Variants in CMIP observed in about 807,000 individuals in gnomAD.
CMIP encodes c-Maf inducing protein.
In CMIP, 13 loss-of-function variants were observed where a neutral mutation model predicts 97.3. The observed-to-expected ratio is 0.13, with a 90% CI of 0.09 to 0.21. The LOEUF is 0.21. Among genes scored for constraint, CMIP ranks in the 10% least tolerant of loss-of-function variants. The pLI is 1.00. For synonymous variants in CMIP, 538 were observed against 436.3 expected (o/e 1.23, Z -2.91); for missense variants, 847 against 1,024.9 (o/e 0.83, Z 2.37).
chr16:81,637,553 GT>G (rs2150983450), intron 3 of CMIP, among the ~76,000 whole-genome samples: 1 of 152,278 alleles, frequency 6.6e-6, no homozygotes, highest in South Asian at 2.1e-4. Context: ...AGGTGATGTA[GT>G]TTGCCTAAGG....
chr16:81,487,924 C>G (rs1354665105), intron 1 of CMIP, among the ~76,000 whole-genome samples: 1 of 152,204 alleles, frequency 6.6e-6, no homozygotes, highest in Non-Finnish European at 1.5e-5. Context: ...CTTCGAATGC[C>G]TCTTCTTGCA....
At chr16:81,628,071 C>T (rs923060134) in intron 3 of CMIP, among the ~76,000 whole-genome samples, 40 of 152,238 alleles carry the variant, frequency 2.6e-4, no homozygotes, top group African/African-American at 9.6e-4. Context: ...TGAGCTGATG[C>T]CTCCCCTGAC....
intron 1 of CMIP, among the ~76,000 whole-genome samples, chr16:81,549,593 T>G (rs2090614054): frequency 6.6e-6 from 1 of 152,174 alleles, no homozygotes; most frequent in South Asian, 2.1e-4. Context: ...GAAATGCCAG[T>G]GGTCCTGAGA....
rs145759007 is a variant in CMIP at position 81,537,813 on chromosome 16, C to T, written c.301-69754C>T. Among the ~76,000 whole-genome samples, 200 of 152,314 alleles carry T rather than the reference C, an allele frequency of 1.3e-3. 1 individual carries two copies. Among genetic ancestry groups the T allele is most frequent in the African/African-American group, 4.7e-3 (195 of 41,564 alleles). ...CCTCCCGCTTTGAGCAGGGAAACAC[C>T]CTGTGGTATGAAGTGGCAGCAAGAG... On this transcript the variant is annotated intron_variant, in intron 1 of 20. Transcript: ENST00000537098.
At chr16:81,485,949 C>G (rs1279384658) in intron 1 of CMIP, among the ~76,000 whole-genome samples, 2 of 152,188 alleles carry the variant, frequency 1.3e-5, no homozygotes, top group African/African-American at 2.4e-5. Flanking sequence ...ATGAGTCACT[C>G]AGGCGCTGTG....
chr16:81,525,222 C>T (rs2317311), intron 1 of CMIP, among the ~76,000 whole-genome samples: 92,368 of 152,064 alleles, frequency 0.61, 29,473 homozygotes, highest in South Asian at 0.74. Flanking sequence ...CGGCTCCCCA[C>T]AACCACCATC....
At chr16:81,666,105 T>G (rs2092600418) in intron 7 of CMIP, 1 of 152,182 alleles carries the variant, frequency 6.6e-6, no homozygotes, top group Admixed American at 6.5e-5. Flanking sequence ...GTTTCTGCCT[T>G]AATTTGGGCG....
intron 1 of CMIP, among the ~76,000 whole-genome samples, chr16:81,451,555 TGG>T (rs1343360644): frequency 6.6e-6 from 1 of 152,200 alleles, no homozygotes; most frequent in Non-Finnish European, 1.5e-5. Flanking sequence ...TTCTTTGGGA[TGG>T]GGGAGCTGAG....
intron 13 of CMIP, chr16:81,696,310 C>A: frequency 1.8e-6 from 1 of 571,256 alleles, no homozygotes; most frequent in Non-Finnish European, 3.1e-6. Flanking sequence ...CAAGCCGGGG[C>A]CTGCCCTCCC....
At chr16:81,707,473 C>G (rs2052588) in intron 20 of CMIP, among the ~76,000 whole-genome samples, 1 of 152,110 alleles carries the variant, frequency 6.6e-6, no homozygotes, top group African/African-American at 2.4e-5. Flanking sequence ...GGGCTGGGGC[C>G]GGATGGAAAA....
chr16:81,517,901 A>G (rs3803656), intron 1 of CMIP: 2 of 981,392 alleles, frequency 2.0e-6, no homozygotes, highest in Non-Finnish European at 2.4e-6. Flanking sequence ...TCTCTTTTCA[A>G]TGTGGACCTC....
intron 4 of CMIP, among the ~76,000 whole-genome samples, chr16:81,654,540 C>T (rs1329273976): frequency 6.6e-6 from 1 of 152,178 alleles, no homozygotes; most frequent in Non-Finnish European, 1.5e-5. Flanking sequence ...CATTACTCAC[C>T]CTACTTTACT....
chr16:81,692,197 G>A (rs1156298092), intron 11 of CMIP, among the ~76,000 whole-genome samples: 1 of 152,174 alleles, frequency 6.6e-6, no homozygotes, highest in Non-Finnish European at 1.5e-5. Context: ...AATACCTGCC[G>A]CTCCTCTTCC....
intron 1 of CMIP, among the ~76,000 whole-genome samples, chr16:81,468,670 C>G (rs1403871129): frequency 6.6e-6 from 1 of 152,194 alleles, no homozygotes; most frequent in African/African-American, 2.4e-5. Flanking sequence ...TATGGACAAT[C>G]GGTTCCAGTG....
intron 1 of CMIP, among the ~76,000 whole-genome samples, chr16:81,521,377 AC>A (rs11323720): frequency 0.78 from 117,731 of 150,582 alleles, 46,089 homozygotes; most frequent in African/African-American, 0.86. Context: ...CGCATTTGCC[AC>A]CCCCCCCCGA....
At chr16:81,597,509 A>G (rs149289320) in intron 1 of CMIP, among the ~76,000 whole-genome samples, 227 of 150,956 alleles carry the variant, frequency 1.5e-3, no homozygotes, top group Middle Eastern at 3.4e-3. Flanking sequence ...GAGTGATGCA[A>G]TACCTTCCTC....
At chr16:81,597,273 C>G (rs962155655) in intron 1 of CMIP, among the ~76,000 whole-genome samples, 3 of 152,172 alleles carry the variant, frequency 2.0e-5, no homozygotes, top group Admixed American at 2.0e-4. Flanking sequence ...TGTGTCTGTG[C>G]CAACACTTAT....
In CMIP at chr16:81,596,194, A is replaced by G. The variant is rs949402395; in HGVS notation, c.301-11373A>G. Among the ~76,000 whole-genome samples the G allele has an allele frequency of 1.5e-3, 234 of 152,234 alleles. 1 individual carries two copies. The highest frequency in any genetic ancestry group is 5.5e-3 in the African/African-American group (227 of 41,534). On this transcript the variant is annotated intron_variant, in intron 1 of 20. Transcript: ENST00000537098. ...GTGGAGTTTGGATTCAGCTCTAGAAAATCTGATTTATTTTTTTAAAAAATC... is the reference window on the plus strand; with the variant it reads ...GTGGAGTTTGGATTCAGCTCTAGAAGATCTGATTTATTTTTTTAAAAAATC...
chr16:81,706,892 C>A, intron 19 of CMIP, 122 bp from the exon 20 acceptor site: 2 of 792,888 alleles, frequency 2.5e-6, no homozygotes, highest in South Asian at 1.6e-5. Flanking sequence ...AACCTCCCTC[C>A]CCAGCCCCAT....
Sources: allele counts gnomAD v4.1 joint callset (sites outside exome capture counted in the v4.1 genomes callset), GRCh38; gene constraint gnomAD v4.1.1; transcripts MANE v1.5; gene names NCBI Gene and HGNC (gene_info 2026-07-23, HGNC 2026-07-21).